TXNDC11: variants seen among roughly 807,000 people sequenced by gnomAD.
The protein encoded by TXNDC11 is thioredoxin domain containing 11.
TXNDC11 carries 68 observed loss-of-function variants against 78.0 expected under a neutral mutation model. The observed-to-expected ratio is 0.87, with a 90% confidence interval of 0.72 to 1.07. The LOEUF is 1.07. Among genes scored for constraint, TXNDC11 ranks in the 50% least tolerant of loss-of-function variants. The probability of loss-of-function intolerance (pLI) is 0.00; values close to 1 mark genes in which losing one functional copy is unlikely to be tolerated. For synonymous variants in TXNDC11, 571 were observed against 495.2 expected (o/e 1.15, Z -2.03); for missense variants, 1,389 against 1,221.8 (o/e 1.14, Z -2.04).
chr16:11,701,125 CCT>C (rs2051004197), intron 5 of TXNDC11, among the ~76,000 whole-genome samples: 1 of 146,160 alleles, frequency 6.8e-6, no homozygotes, highest in Non-Finnish European at 1.5e-5. Flanking sequence ...GGCCCAATGT[CCT>C]CTTTTTTTTT....
At chr16:11,702,982 G>T (rs553574260) in intron 5 of TXNDC11, among the ~76,000 whole-genome samples, 1 of 152,176 alleles carries the variant, frequency 6.6e-6, no homozygotes, top group Non-Finnish European at 1.5e-5. Flanking sequence ...GCTGGGGAAA[G>T]GGGACTGGAA....
intron 5 of TXNDC11, among the ~76,000 whole-genome samples, chr16:11,700,778 T>C (rs2050991580): frequency 6.6e-6 from 1 of 152,198 alleles, no homozygotes; most frequent in South Asian, 2.1e-4. Context: ...AGGATGTCTC[T>C]GACTAACGTC....
chr16:11,723,197 G>A (rs2051763933), intron 4 of TXNDC11, among the ~76,000 whole-genome samples: 1 of 152,038 alleles, frequency 6.6e-6, no homozygotes, highest in African/African-American at 2.4e-5. Context: ...GGTGGAGGCT[G>A]CAGTGAGCTG....
intron 8 of TXNDC11, chr16:11,691,081 A>C (rs138209565): frequency 1.8e-6 from 1 of 568,986 alleles, no homozygotes; most frequent in Non-Finnish European, 3.1e-6. Flanking sequence ...AAACTTATCC[A>C]AAATTCAGAG....
chr16:11,742,634 G>C lies in TXNDC11; in HGVS notation c.97C>G (p.Leu33Val). 6.8e-7 allele frequency: 1 copy of C among 1,462,086 alleles called. No individual in the cohort carries two copies. The highest frequency in any genetic ancestry group is 9.0e-7 in the Non-Finnish European group (1 of 1,112,964). 90.6% of individuals were successfully genotyped at this position (1,462,086 alleles called of 1,614,324 possible). A position where few individuals can be genotyped will look rare whatever the true frequency, so the allele number is the denominator to read the frequency against. Residue 33 changes from leucine to valine, a missense_variant, in exon 1 of 12, where the codon CTC (leucine) becomes GTC (valine). By Grantham distance (32) the Leu-to-Val change is conservative. Transcript: ENST00000283033. The part of the protein sequence containing the change: ...GGGGPAGSDC[L>V]SSSPTLATAS... Reference sequence around the variant, plus strand: ...GTGGCCAGGGTCGGGCTCGAGCTGAGGCAGTCTGAGCCCGCGGGGCCGCCG... The same window carrying C: ...GTGGCCAGGGTCGGGCTCGAGCTGACGCAGTCTGAGCCCGCGGGGCCGCCG...
intron 1 of TXNDC11, among the ~76,000 whole-genome samples, chr16:11,737,797 G>A (rs2052269310): frequency 7.0e-6 from 1 of 143,580 alleles, no homozygotes; most frequent in African/African-American, 2.6e-5. Context: ...GTTGCAGTGA[G>A]CCAAGATCAT....
chr16:11,684,252 A>C lies in TXNDC11; in HGVS notation c.2154-7T>G. 1 of 1,608,750 alleles carries C rather than the reference A, an allele frequency of 6.2e-7. No individual in the cohort carries two copies. Among genetic ancestry groups the C allele is most frequent in the Non-Finnish European group, 8.5e-7 (1 of 1,175,560 alleles). On this transcript the variant is annotated splice_polypyrimidine_tract_variant and splice_region_variant and intron_variant, in intron 10 of 11. Coordinates refer to ENST00000283033, the MANE Select transcript of TXNDC11 (RefSeq NM_015914.7). ...ATTCTGAGACACGTCAATCCTGGTA[A>C]AGGGAAAGAACAGAAATGGCAGATG...
chr16:11,704,516 C>A (rs1190495875), intron 5 of TXNDC11, among the ~76,000 whole-genome samples: 1 of 152,180 alleles, frequency 6.6e-6, no homozygotes, highest in Non-Finnish European at 1.5e-5. Context: ...ACAGCAGACA[C>A]TACTTTAACC....
chr16:11,679,709 C>T lies in TXNDC11; in HGVS notation c.2363G>A (p.Cys788Tyr). The T allele has an allele frequency of 1.9e-6, 3 of 1,614,214 alleles. No individual in the cohort carries two copies. Among genetic ancestry groups the T allele is most frequent in the Non-Finnish European group, 2.5e-6 (3 of 1,180,046 alleles). ...QNVANSPTKECLQSEAVLQRG... is the reference protein window; with the variant it reads ...QNVANSPTKEYLQSEAVLQRG... Reference sequence around the variant, plus strand: ...CTGTAAGACTGCCTCGCTCTGAAGACACTCCTTGGTAGGAGAGTTAGCCAC... The same window carrying T: ...CTGTAAGACTGCCTCGCTCTGAAGATACTCCTTGGTAGGAGAGTTAGCCAC... The change falls in exon 12 of 12, where the codon TGT (cysteine) becomes TAT (tyrosine). Residue 788 changes from cysteine (C) to tyrosine (Y), a missense_variant. Physicochemically the swap from Cys to Tyr is radical, Grantham distance 194. Coordinates refer to ENST00000283033, the MANE Select transcript of TXNDC11 (RefSeq NM_015914.7). This position sits in a 1 kb window ranked among gnomAD's most constrained non-coding sequence, Gnocchi z 4.6.
intron 4 of TXNDC11, among the ~76,000 whole-genome samples, chr16:11,722,648 A>G (rs2051744123): frequency 6.6e-6 from 1 of 152,206 alleles, no homozygotes; most frequent in Non-Finnish European, 1.5e-5. Flanking sequence ...ACAATTCTTC[A>G]CAGGGTTAGG....
chr16:11,695,511 A>G (rs981449650), intron 7 of TXNDC11, among the ~76,000 whole-genome samples: 1 of 152,232 alleles, frequency 6.6e-6, no homozygotes, highest in African/African-American at 2.4e-5. Flanking sequence ...ATGAATTTAC[A>G]GCTCATCTTG....
At position 11,679,812 on chromosome 16, in the gene TXNDC11, C is replaced by G. The variant is rs151125071; in HGVS notation, c.2260G>C (p.Glu754Gln). 1.3e-5 allele frequency: 21 copies of G among 1,612,788 alleles called. No individual in the cohort carries two copies. The East Asian group carries it at 4.7e-4, about 36-fold the overall frequency. Reference protein sequence around the residue: ...NRKDLSVKYPEDVPITLPNLL... With the variant: ...NRKDLSVKYPQDVPITLPNLL... Reference sequence around the variant, plus strand: ...TTTGGAAGGGTGATGGGGACGTCTTCGGGGTATTTCACACTTAGGTCCTTT... The same window carrying G: ...TTTGGAAGGGTGATGGGGACGTCTTGGGGGTATTTCACACTTAGGTCCTTT... Residue 754 changes from glutamate to glutamine, a missense_variant, in exon 12 of 12, where the codon GAA (glutamate) becomes CAA (glutamine). Glu to Gln is a conservative substitution (Grantham distance 29, BLOSUM62 2). Coordinates refer to ENST00000283033, the MANE Select transcript of TXNDC11 (RefSeq NM_015914.7). This position sits in a 1 kb window ranked among gnomAD's most constrained non-coding sequence, Gnocchi z 4.6.
chr16:11,738,246 A>G (rs1457386513), intron 1 of TXNDC11, among the ~76,000 whole-genome samples: 4 of 152,248 alleles, frequency 2.6e-5, no homozygotes, highest in Non-Finnish European at 5.9e-5. Context: ...GAAGTATCCA[A>G]CGGAGCAAGT....
chr16:11,685,523 C>G (rs1169159243), intron 10 of TXNDC11, among the ~76,000 whole-genome samples: 1 of 151,794 alleles, frequency 6.6e-6, no homozygotes, highest in Non-Finnish European at 1.5e-5. Flanking sequence ...ATGGCGGGCG[C>G]CTGTAGTCCC....
intron 1 of TXNDC11, among the ~76,000 whole-genome samples, chr16:11,741,590 G>A (rs2052395513): frequency 6.6e-6 from 1 of 152,152 alleles, no homozygotes; most frequent in Admixed American, 6.5e-5. Flanking sequence ...CACTTCCTTA[G>A]GAAGTCTTTC....
chr16:11,738,930 G>C (rs909531144), intron 1 of TXNDC11, among the ~76,000 whole-genome samples: 172 of 152,290 alleles, frequency 1.1e-3, no homozygotes, highest in African/African-American at 4.0e-3. Flanking sequence ...GGGAGGCTGA[G>C]GCAGGAGAAT....
rs992513269 is a variant in TXNDC11, at chr16:11,723,639, G to C, written c.700-1969C>G. 9.9e-5 allele frequency among the ~76,000 whole-genome samples: 15 copies of C among 151,932 alleles called. No homozygotes were observed. In the South Asian group the frequency reaches 1.0e-3, roughly 11 times the overall value. Reference sequence around the variant, plus strand: ...ACAAAACTATGAACTAACAGAAACAGTACCTATGTGCACAACATTCAGAGT... The same window carrying C: ...ACAAAACTATGAACTAACAGAAACACTACCTATGTGCACAACATTCAGAGT... On this transcript the variant is annotated intron_variant, in intron 4 of 11. Transcript: ENST00000283033.
chr16:11,695,118 G>A (rs2050824950), intron 7 of TXNDC11, among the ~76,000 whole-genome samples: 1 of 152,052 alleles, frequency 6.6e-6, no homozygotes, highest in African/African-American at 2.4e-5. Context: ...AACAAGTTGT[G>A]TAATACACAC....
At chr16:11,702,995 G>A (rs948964655) in intron 5 of TXNDC11, among the ~76,000 whole-genome samples, 13 of 152,174 alleles carry the variant, frequency 8.5e-5, no homozygotes, top group African/African-American at 2.9e-4. Context: ...GACTGGAAAC[G>A]GGAAGGCAGG....
Sources: gnomAD v4.1 joint callset for allele counts (sites outside exome capture counted in the v4.1 genomes callset) on GRCh38, gnomAD v4.1.1 for gene constraint, Gnocchi (gnomAD v3.1) non-coding constraint, MANE v1.5 for transcripts, NCBI Gene and HGNC (gene_info 2026-07-23, HGNC 2026-07-21) for gene names.